ATP9B: variants seen among roughly 807,000 people sequenced by gnomAD.
The protein encoded by ATP9B is ATPase phospholipid transporting 9B, also known as probable phospholipid-transporting ATPase IIB.
A neutral mutation model predicts 146.1 loss-of-function variants in ATP9B; 110 were observed. That is an observed-to-expected ratio of 0.75 (90% CI 0.65 to 0.88). The LOEUF (loss-of-function observed/expected upper bound fraction) is 0.88. Ranked by LOEUF, ATP9B falls within the 40% of genes least tolerant of loss-of-function variation. ATP9B has a pLI of 0.00. For missense variants in ATP9B, 1,499 were observed against 1,496.4 expected (o/e 1.00, Z -0.03); for synonymous variants, 604 against 569.7 (o/e 1.06, Z -0.86).
intron 11 of ATP9B, among the ~76,000 whole-genome samples, chr18:79,222,701 CAG>C (rs1600621426): frequency 6.6e-6 from 1 of 152,114 alleles, no homozygotes; most frequent in South Asian, 2.1e-4. Context: ...GTGCTTATGA[CAG>C]AGAGATTTAA....
At position 79,113,234 on chromosome 18, in the gene ATP9B, T is replaced by A. The variant is rs369945668; in HGVS notation, c.445-7T>A. ...GAATTTTGTTAATTTTCTCTTTTCC[T>A]TTTTAGGTTTTGTATGAACAATTCA... On this transcript the variant is annotated splice_polypyrimidine_tract_variant and splice_region_variant and intron_variant, in intron 3 of 29. Transcript: ENST00000426216. 1 of 1,498,394 alleles carries A rather than the reference T, an allele frequency of 6.7e-7. No individual in the cohort carries two copies. Among genetic ancestry groups the A allele is most frequent in the East Asian group, 2.3e-5 (1 of 44,108 alleles). The allele number at this position is 1,498,394 out of a possible 1,614,324, so 92.8% of individuals were successfully genotyped here.
intron 4 of ATP9B, among the ~76,000 whole-genome samples, chr18:79,118,401 T>G (rs963237238): frequency 0.011 from 1,424 of 130,200 alleles, 74 homozygotes; most frequent in East Asian, 0.1. Context: ...TTTTTTTTTT[T>G]TTTTTTTTTT....
At chr18:79,224,935 G>A (rs550674011) in intron 11 of ATP9B, among the ~76,000 whole-genome samples, 1 of 152,328 alleles carries the variant, frequency 6.6e-6, no homozygotes, top group Admixed American at 6.5e-5. Flanking sequence ...AGGGCGACCT[G>A]TCTCCAGCAG....
chr18:79,216,858 T>C (rs192485504), intron 11 of ATP9B, among the ~76,000 whole-genome samples: 76 of 152,410 alleles, frequency 5.0e-4, no homozygotes, highest in South Asian at 1.4e-3. Context: ...CTTTTCAACC[T>C]GATGTAAAAG....
chr18:79,093,268 A>G (rs1007640483), intron 1 of ATP9B, among the ~76,000 whole-genome samples: 1 of 152,132 alleles, frequency 6.6e-6, no homozygotes, highest in Non-Finnish European at 1.5e-5. Flanking sequence ...TTCATCTGAG[A>G]ACATCTTTGT....
rs925860173 is a variant in ATP9B, at chr18:79,377,733, G to C, written c.*350G>C. Reference sequence around the variant, plus strand: ...CAGGCAAGCCCAGGGCACAGAGGCCGGGACGGCCTCTCCCTCTCAGTGTGA... The same window carrying C: ...CAGGCAAGCCCAGGGCACAGAGGCCCGGACGGCCTCTCCCTCTCAGTGTGA... On this transcript the variant is annotated 3_prime_UTR_variant, in exon 30 of 30. Transcript: ENST00000426216. The C allele has an allele frequency of 4.1e-6, 1 of 244,438 alleles. No individual in the cohort carries two copies. The highest frequency in any genetic ancestry group is 8.0e-6 in the Non-Finnish European group (1 of 124,622). The allele number at this position is 244,438 out of a possible 1,614,324, so 15.1% of individuals were successfully genotyped here. A position where few individuals can be genotyped will look rare whatever the true frequency, so the allele number is the denominator to read the frequency against.
intron 7 of ATP9B, among the ~76,000 whole-genome samples, chr18:79,159,517 G>T (rs1249764747): frequency 1.3e-5 from 2 of 152,060 alleles, no homozygotes; most frequent in East Asian, 3.9e-4. Context: ...ATTCCTGAAG[G>T]CAGCTTATTC....
intron 11 of ATP9B, among the ~76,000 whole-genome samples, chr18:79,227,178 A>G (rs902021296): frequency 2.6e-5 from 4 of 151,716 alleles, no homozygotes; most frequent in Admixed American, 6.6e-5. Flanking sequence ...TCATTTTTTT[A>G]GTATTTTTTG....
chr18:79,329,207 C>A lies in ATP9B; in HGVS notation c.1840C>A (p.Gln614Lys). ...TLVSRDLTSM[Q>K]LKTPSGQVLS... ...GGTCAGCAGGGACCTCACCTCCATG[C>A]AGCTGAAGACCCCCAGTGGCCAGGT... is the stretch of plus-strand genomic sequence containing the variant. Residue 614 changes from glutamine to lysine, a missense_variant, in exon 16 of 30, where the codon CAG becomes AAG. Coordinates refer to ENST00000426216, the MANE Select transcript of ATP9B (RefSeq NM_198531.5). The A allele has an allele frequency of 6.2e-7, 1 of 1,612,628 alleles. No homozygotes were observed. The highest frequency in any genetic ancestry group is 1.1e-5 in the South Asian group (1 of 90,868).
At chr18:79,268,464 A>G (rs1204811092) in intron 12 of ATP9B, among the ~76,000 whole-genome samples, 1 of 151,922 alleles carries the variant, frequency 6.6e-6, no homozygotes, top group Non-Finnish European at 1.5e-5. Flanking sequence ...TTGTAATGCA[A>G]CTTTTTTCTC....
rs1198539841 is a variant in ATP9B at position 79,344,241 on chromosome 18, G to A, written c.2383-24G>A. On this transcript the variant is annotated intron_variant, in intron 20 of 29. Transcript: ENST00000426216. ...TAACTTAGACAACATTTTAATTTGG[G>A]ATTCTTTTTCTCCCTTAATGGAGGT... 2.5e-6 allele frequency: 4 copies of A among 1,602,878 alleles called. No homozygotes were observed. In the Admixed American group the frequency reaches 6.7e-5, roughly 27 times the overall value.
intron 7 of ATP9B, among the ~76,000 whole-genome samples, chr18:79,164,047 T>C (rs1018595006): frequency 1.3e-5 from 2 of 152,022 alleles, no homozygotes; most frequent in Non-Finnish European, 2.9e-5. Flanking sequence ...GTTTCCCGAG[T>C]AGCTGGGACT....
At chr18:79,230,161 A>T (rs1018278508) in intron 11 of ATP9B, among the ~76,000 whole-genome samples, 1 of 152,218 alleles carries the variant, frequency 6.6e-6, no homozygotes, top group East Asian at 1.9e-4. Context: ...TTAACACCGT[A>T]ATATTAGTTT....
At chr18:79,190,867 G>T (rs1429013944) in intron 8 of ATP9B, among the ~76,000 whole-genome samples, 1 of 151,936 alleles carries the variant, frequency 6.6e-6, no homozygotes, top group Non-Finnish European at 1.5e-5. Context: ...TATTTTAAAG[G>T]AATTAAGATT....
At chr18:79,143,910 GT>G in intron 6 of ATP9B, 50 bp downstream of exon 6, 1 of 1,154,320 alleles carries the variant, frequency 8.7e-7, no homozygotes, top group Non-Finnish European at 1.2e-6. Flanking sequence ...AGTTATTAAT[GT>G]TTAGCCTGAT....
chr18:79,345,910 G>A, intron 23 of ATP9B, 71 bp downstream of exon 23: 1 of 1,542,432 alleles, frequency 6.5e-7, no homozygotes, highest in Non-Finnish European at 8.9e-7. Flanking sequence ...CACATGCTGG[G>A]CCACTGTACA....
At position 79,262,680 on chromosome 18, in the gene ATP9B, T is replaced by A. The variant is rs114887057; in HGVS notation, c.1268+9139T>A. ...TAATACTGCTTTTGTAATACCACAG[T>A]CCATCCCCTTTACGTGGTACATATG... is the stretch of plus-strand genomic sequence containing the variant. On this transcript the variant is annotated intron_variant, in intron 12 of 29. Coordinates refer to ENST00000426216, the MANE Select transcript of ATP9B (RefSeq NM_198531.5). Among the ~76,000 whole-genome samples the A allele has an allele frequency of 6.5e-3, 994 of 152,322 alleles. 6 individuals are homozygous for A. The highest frequency in any genetic ancestry group is 0.022 in the African/African-American group (929 of 41,568).
chr18:79,119,187 T>G (rs1344275143), intron 4 of ATP9B, among the ~76,000 whole-genome samples: 1 of 152,208 alleles, frequency 6.6e-6, no homozygotes, highest in African/African-American at 2.4e-5. Flanking sequence ...ATATATATTT[T>G]GCTTCAGCCT....
chr18:79,130,506 C>T (rs1441274412), intron 5 of ATP9B, among the ~76,000 whole-genome samples: 1 of 137,982 alleles, frequency 7.2e-6, no homozygotes, highest in Non-Finnish European at 1.6e-5. Flanking sequence ...TGCAAGAAGT[C>T]GAGGAGAGAG....
Sources: gnomAD v4.1 joint callset for allele counts (sites outside exome capture counted in the v4.1 genomes callset) on GRCh38, gnomAD v4.1.1 for gene constraint, MANE v1.5 for transcripts, NCBI Gene and HGNC (gene_info 2026-07-23, HGNC 2026-07-21) for gene names.